SORCS1: variants seen among roughly 807,000 people sequenced by gnomAD.
The protein encoded by SORCS1 is sortilin related VPS10 domain containing receptor 1.
Under a neutral mutation model 146.1 loss-of-function variants are expected in SORCS1, and 60 were observed. The observed-to-expected ratio is 0.41, with a 90% CI of 0.33 to 0.51. SORCS1 has a LOEUF of 0.51. Ranked by LOEUF, SORCS1 falls within the 20% of genes least tolerant of loss-of-function variation. The pLI, the probability that SORCS1 is intolerant of heterozygous loss-of-function variation, is 0.21. For missense variants in SORCS1, 1,352 were observed against 1,487.6 expected (o/e 0.91, Z 1.50); for synonymous variants, 637 against 584.0 (o/e 1.09, Z -1.31).
intron 1 of SORCS1, among the ~76,000 whole-genome samples, chr10:107,013,927 A>AC (rs1957783337): frequency 6.6e-6 from 1 of 152,264 alleles, no homozygotes; most frequent in East Asian, 1.9e-4. Context: ...GAGAAGGCCC[A>AC]CCCAGTTATT....
intron 6 of SORCS1, among the ~76,000 whole-genome samples, chr10:106,725,559 A>AAAAT (rs71025549): frequency 0.43 from 61,488 of 144,378 alleles, 14,322 homozygotes; most frequent in Admixed American, 0.52. Context: ...CACATACACA[A>AAAAT]AAATAAATAA....
intron 6 of SORCS1, among the ~76,000 whole-genome samples, chr10:106,712,523 T>C (rs753100521): frequency 2.6e-5 from 4 of 152,232 alleles, no homozygotes; most frequent in Non-Finnish European, 5.9e-5. Flanking sequence ...AACATCATGT[T>C]CTATGGGACA....
intron 2 of SORCS1, among the ~76,000 whole-genome samples, chr10:106,876,978 G>A (rs182411575): frequency 6.6e-5 from 10 of 152,226 alleles, no homozygotes; most frequent in African/African-American, 1.9e-4. Context: ...TGCCTGTACT[G>A]TTTCCTTTGT....
At chr10:106,622,289 GAAAAAAAAAAA>G (rs554464573) in intron 19 of SORCS1, among the ~76,000 whole-genome samples, 1 of 39,040 alleles carries the variant, frequency 2.6e-5, no homozygotes, top group East Asian at 8.1e-4. Flanking sequence ...ATTCCATCTC[GAAAAAAAAAAA>G]AAAAAAAAAA....
intron 4 of SORCS1, among the ~76,000 whole-genome samples, chr10:106,770,480 CAAAA>C (rs61310332): frequency 7.9e-6 from 1 of 126,204 alleles, no homozygotes. Flanking sequence ...CAAAAAATCG[CAAAA>C]AAAAAAAAAA....
chr10:106,585,050 A>T (rs1334349862), intron 24 of SORCS1, among the ~76,000 whole-genome samples: 2 of 152,028 alleles, frequency 1.3e-5, no homozygotes, highest in African/African-American at 4.8e-5. Flanking sequence ...CACTTGAAAA[A>T]AAAACATGTA....
rs918395891 is a variant in SORCS1, at chr10:106,655,415, G to A, written c.2304-2862C>T. Among the ~76,000 whole-genome samples, 3 of 152,086 alleles carry A rather than the reference G, an allele frequency of 2.0e-5. No individual in the cohort carries two copies. The East Asian group carries it at 5.8e-4, about 29-fold the overall frequency. On this transcript the variant is annotated intron_variant, in intron 17 of 25. Coordinates refer to ENST00000263054, the MANE Select transcript of SORCS1 (RefSeq NM_052918.5). Reference sequence around the variant, plus strand: ...GAGGCAAGGCACTGTGCAAACTGAAGTCAGGTTATGATTTTTAATCACTCA... The same window carrying A: ...GAGGCAAGGCACTGTGCAAACTGAAATCAGGTTATGATTTTTAATCACTCA...
chr10:106,908,728 G>A (rs545274589), intron 2 of SORCS1, among the ~76,000 whole-genome samples: 5 of 152,250 alleles, frequency 3.3e-5, no homozygotes, highest in Admixed American at 6.5e-5. Context: ...ACAGAACGGC[G>A]CTCTTTGAGG....
At position 106,999,126 on chromosome 10, in the gene SORCS1, T is replaced by A. The variant is rs545399636; in HGVS notation, c.559-42546A>T. 3.3e-5 allele frequency among the ~76,000 whole-genome samples: 5 copies of A among 152,224 alleles called. No homozygotes were observed. The South Asian group carries it at 8.3e-4, about 25-fold the overall frequency. ...GCCTGCATTAAAATATAGATTTACG[T>A]AATTCAGGTTTAATGGAAAAAAACA... On this transcript the variant is annotated intron_variant, in intron 1 of 25. Transcript: ENST00000263054.
At chr10:107,173,923 G>A in the SORCS1 span, among the ~76,000 whole-genome samples, 1 of 152,112 alleles carries the variant, frequency 6.6e-6, no homozygotes, top group Non-Finnish European at 1.5e-5. Context: ...TGCTAACAAA[G>A]CACTTCTTAA....
At chr10:106,843,189 T>C (rs1479340773) in intron 2 of SORCS1, among the ~76,000 whole-genome samples, 2 of 152,146 alleles carry the variant, frequency 1.3e-5, no homozygotes, top group Non-Finnish European at 2.9e-5. Flanking sequence ...GTAAATGAAG[T>C]ATCCTGAACT....
At chr10:106,589,715 A>C (rs1244092981) in intron 24 of SORCS1, among the ~76,000 whole-genome samples, 8 of 151,692 alleles carry the variant, frequency 5.3e-5, no homozygotes. Context: ...AAAAAAAAAA[A>C]AACAAGCTCC....
At chr10:106,685,453 C>A (rs542334671) in intron 10 of SORCS1, among the ~76,000 whole-genome samples, 1 of 151,808 alleles carries the variant, frequency 6.6e-6, no homozygotes, top group Non-Finnish European at 1.5e-5. Flanking sequence ...CAATAAGGAC[C>A]ATGAAGAAAA....
At chr10:106,588,873 AAAAAAAAAAAAAAAAAAG>A (rs1297044753) in intron 24 of SORCS1, among the ~76,000 whole-genome samples, 1 of 149,096 alleles carries the variant, frequency 6.7e-6, no homozygotes, top group Non-Finnish European at 1.5e-5. Context: ...AAAAAAAAAA[AAAAAAAAAAAAAAAAAAG>A]AAGATTCCTA....
At chr10:106,835,647 T>C (rs1460044189) in intron 2 of SORCS1, among the ~76,000 whole-genome samples, 1 of 152,228 alleles carries the variant, frequency 6.6e-6, no homozygotes. Flanking sequence ...CAATAAAGAT[T>C]CCACACTCTG....
chr10:106,738,929 C>T (rs1259988834), intron 5 of SORCS1, among the ~76,000 whole-genome samples: 2 of 152,188 alleles, frequency 1.3e-5, no homozygotes, highest in African/African-American at 2.4e-5. Context: ...CTCAAGCAAT[C>T]TGTCCACTTT....
At chr10:106,665,533 T>G (rs1851068212) in intron 17 of SORCS1, among the ~76,000 whole-genome samples, 1 of 152,120 alleles carries the variant, frequency 6.6e-6, no homozygotes, top group South Asian at 2.1e-4. Context: ...CTTTTTAACT[T>G]TTTATTATCA....
intron 1 of SORCS1, among the ~76,000 whole-genome samples, chr10:107,089,966 G>A (rs1019584527): frequency 3.3e-5 from 5 of 152,166 alleles, no homozygotes; most frequent in African/African-American, 9.7e-5. Flanking sequence ...ATTGTGAAGA[G>A]GGCACTAGGA....
intron 11 of SORCS1, 30 bp downstream of exon 11, chr10:106,679,602 C>T: frequency 6.4e-7 from 1 of 1,553,318 alleles, no homozygotes; most frequent in South Asian, 1.2e-5. Context: ...CACTATTTAC[C>T]ACAGCCAGCA....
Sources: allele counts gnomAD v4.1 joint callset (sites outside exome capture counted in the v4.1 genomes callset), GRCh38; gene constraint gnomAD v4.1.1; transcripts MANE v1.5; gene names NCBI Gene and HGNC (gene_info 2026-07-23, HGNC 2026-07-21).